The following TENM4 variants were observed in gnomAD, a reference collection of about 807,000 sequenced individuals.
TENM4 encodes the protein teneurin-4.
TENM4 carries 82 observed loss-of-function variants against 243.3 expected under a neutral mutation model. The observed-to-expected ratio is 0.34, with a 90% confidence interval of 0.28 to 0.40. The LOEUF is 0.40. TENM4 is among the 10% of genes least tolerant of loss of function. TENM4 has a pLI of 1.00. For synonymous variants in TENM4, 1,412 were observed against 1,456.3 expected (o/e 0.97, Z 0.69); for missense variants, 3,138 against 3,673.3 (o/e 0.85, Z 3.77).
At chr11:79,277,504 A>C (rs887383035) in intron 2 of TENM4, among the ~76,000 whole-genome samples, 1 of 152,218 alleles carries the variant, frequency 6.6e-6, no homozygotes, top group South Asian at 2.1e-4. Flanking sequence ...ATTTGAACCC[A>C]GGTCTTTGTG....
At chr11:79,322,459 C>A (rs978140663) in intron 1 of TENM4, among the ~76,000 whole-genome samples, 7 of 152,182 alleles carry the variant, frequency 4.6e-5, no homozygotes, top group Non-Finnish European at 1.0e-4. Context: ...TCTCACAGCA[C>A]CTCGTAGGCT....
At chr11:78,806,720 A>G (rs1591038110) in intron 14 of TENM4, among the ~76,000 whole-genome samples, 2 of 152,124 alleles carry the variant, frequency 1.3e-5, no homozygotes, top group East Asian at 3.8e-4. Flanking sequence ...AAAATTTACC[A>G]CCTTAGCCAC....
At chr11:79,287,999 A>G (rs549348349) in intron 2 of TENM4, among the ~76,000 whole-genome samples, 5 of 152,340 alleles carry the variant, frequency 3.3e-5, no homozygotes, top group African/African-American at 1.2e-4. Context: ...CAACAGCCTA[A>G]TTGATCTTTG....
At chr11:79,258,640 G>A (rs1031838945) in intron 2 of TENM4, among the ~76,000 whole-genome samples, 1 of 152,188 alleles carries the variant, frequency 6.6e-6, no homozygotes, top group Non-Finnish European at 1.5e-5. Context: ...TTTACTGACA[G>A]TGAATGCATT....
In TENM4 at chr11:78,672,018, G is replaced by A. The variant is rs745635101; in HGVS notation, c.5793+15C>T. ...TGTATGGCAAGGCCAGTGATGCAGGGAGACAGACACCTGCCTTCTCTAAGT... is the reference window on the plus strand; with the variant it reads ...TGTATGGCAAGGCCAGTGATGCAGGAAGACAGACACCTGCCTTCTCTAAGT... On this transcript the variant is annotated intron_variant, in intron 31 of 33. Coordinates refer to ENST00000278550, the MANE Select transcript of TENM4 (RefSeq NM_001098816.3). 22 of 1,606,120 alleles carry A rather than the reference G, an allele frequency of 1.4e-5. No individual in the cohort carries two copies. The highest frequency in any genetic ancestry group is 1.9e-5 in the Non-Finnish European group (22 of 1,175,138).
chr11:79,088,144 A>C (rs1449161662), intron 4 of TENM4, among the ~76,000 whole-genome samples: 1 of 152,130 alleles, frequency 6.6e-6, no homozygotes, highest in African/African-American at 2.4e-5. Context: ...TGGGTCTTTA[A>C]TCTCAGTTGT....
At chr11:79,103,159 G>A (rs1177291906) in intron 4 of TENM4, among the ~76,000 whole-genome samples, 2 of 152,016 alleles carry the variant, frequency 1.3e-5, no homozygotes, top group African/African-American at 4.8e-5. Context: ...TTGTCTGCCT[G>A]GTAACCTCTT....
At chr11:79,144,432 A>T (rs1862355285) in intron 4 of TENM4, among the ~76,000 whole-genome samples, 1 of 152,104 alleles carries the variant, frequency 6.6e-6, no homozygotes, top group Non-Finnish European at 1.5e-5. Context: ...TACTAGGTAC[A>T]TACCCCAAAG....
At chr11:79,123,516 G>A (rs932377609) in intron 4 of TENM4, among the ~76,000 whole-genome samples, 1 of 151,810 alleles carries the variant, frequency 6.6e-6, no homozygotes, top group East Asian at 1.9e-4. Context: ...ACACTTGGAC[G>A]ACACCCTGCT....
At position 79,164,379 on chromosome 11, in the gene TENM4, G is replaced by C. The variant is rs1392340082; in HGVS notation, c.-162-15573C>G. 3.3e-5 allele frequency among the ~76,000 whole-genome samples: 4 copies of C among 121,920 alleles called. No homozygotes were observed. The Admixed American group carries it at 3.6e-4, about 11-fold the overall frequency. The allele number at this position is 121,920 out of a possible 152,430, so 80.0% of individuals were successfully genotyped here. A position where few individuals can be genotyped will look rare whatever the true frequency, so the allele number is the denominator to read the frequency against. ...CTATATATACTATATATAATATATAGTGTATATACTATATAGATATACTAG... is the reference window on the plus strand; with the variant it reads ...CTATATATACTATATATAATATATACTGTATATACTATATAGATATACTAG... On this transcript the variant is annotated intron_variant, in intron 3 of 33. Transcript: ENST00000278550.
At chr11:79,392,233 T>C (rs73496618) in intron 1 of TENM4, among the ~76,000 whole-genome samples, 2 of 152,188 alleles carry the variant, frequency 1.3e-5, no homozygotes, top group Admixed American at 1.3e-4. Flanking sequence ...CCTTTCCTTA[T>C]GATGTTTGCT....
intron 6 of TENM4, among the ~76,000 whole-genome samples, chr11:78,958,133 G>A (rs1211803421): frequency 6.6e-6 from 1 of 152,102 alleles, no homozygotes; most frequent in African/African-American, 2.4e-5. Flanking sequence ...ACACAAATAC[G>A]ATAATGCATG....
chr11:79,266,223 A>G (rs898016774), intron 2 of TENM4, among the ~76,000 whole-genome samples: 1 of 152,204 alleles, frequency 6.6e-6, no homozygotes, highest in Non-Finnish European at 1.5e-5. Context: ...AGATGAATGG[A>G]TAGATCTCAC....
intron 6 of TENM4, among the ~76,000 whole-genome samples, chr11:79,011,054 G>C (rs1858629110): frequency 6.6e-6 from 1 of 152,192 alleles, no homozygotes; most frequent in Non-Finnish European, 1.5e-5. Flanking sequence ...ATGTGTAGTA[G>C]GTGTGTTCCC....
rs80052358 is a variant in TENM4, at chr11:78,904,867, G to A, written c.494-1344C>T. ...GGTGATACCACAAATGAGGCAAGTT[G>A]TGGAGGTAAATCTTCACCATCCATC... On this transcript the variant is annotated intron_variant, in intron 6 of 33. Coordinates refer to ENST00000278550, the MANE Select transcript of TENM4 (RefSeq NM_001098816.3). Among the ~76,000 whole-genome samples the A allele has an allele frequency of 4.7e-3, 722 of 152,342 alleles. 7 individuals carry two copies. The highest frequency in any genetic ancestry group is 0.017 in the African/African-American group (696 of 41,568).
chr11:79,164,048 A>AT (rs1862831402), intron 3 of TENM4, among the ~76,000 whole-genome samples: 6 of 121,924 alleles, frequency 4.9e-5, no homozygotes, highest in African/African-American at 2.0e-4. Context: ...ATACACTATA[A>AT]ATACTATGTA....
intron 6 of TENM4, among the ~76,000 whole-genome samples, chr11:79,058,714 T>A (rs1024019248): frequency 6.6e-6 from 1 of 152,176 alleles, no homozygotes; most frequent in Admixed American, 6.5e-5. Flanking sequence ...GTTGGTGGGC[T>A]TGTTGTCTCC....
intron 6 of TENM4, among the ~76,000 whole-genome samples, chr11:79,000,142 C>A (rs1207391906): frequency 6.6e-6 from 1 of 152,156 alleles, no homozygotes; most frequent in Non-Finnish European, 1.5e-5. Context: ...AATTTTATAT[C>A]CAGCAAAACT....
intron 4 of TENM4, among the ~76,000 whole-genome samples, chr11:79,101,264 G>A (rs1386297426): frequency 6.6e-6 from 1 of 152,232 alleles, no homozygotes; most frequent in Non-Finnish European, 1.5e-5. Flanking sequence ...AGAGATATAG[G>A]AGAAGCTGAT....
Sources: gnomAD v4.1 joint callset for allele counts (sites outside exome capture counted in the v4.1 genomes callset) on GRCh38, gnomAD v4.1.1 for gene constraint, MANE v1.5 for transcripts, NCBI Gene and HGNC (gene_info 2026-07-23, HGNC 2026-07-21) for gene names.